Variants in YWHAQ observed in about 807,000 individuals in gnomAD.
The protein encoded by YWHAQ is tyrosine 3-monooxygenase/tryptophan 5-monooxygenase activation protein theta, also known as 14-3-3 protein theta.
A neutral mutation model predicts 28.3 loss-of-function variants in YWHAQ; 6 were observed. The observed-to-expected ratio is 0.21, with a 90% CI of 0.12 to 0.42. The LOEUF is 0.42. YWHAQ is among the 10% of genes least tolerant of loss of function. The probability of loss-of-function intolerance (pLI) is 1.00; values close to 1 mark genes in which losing one functional copy is unlikely to be tolerated. For synonymous variants in YWHAQ, 143 were observed against 119.1 expected (o/e 1.20, Z -1.31); for missense variants, 201 against 305.6 (o/e 0.66, Z 2.55).
At position 9,609,545 on chromosome 2, in the gene YWHAQ, T is replaced by C. The variant is rs146284346; in HGVS notation, c.295-18030A>G. 1.4e-4 allele frequency among the ~76,000 whole-genome samples: 21 copies of C among 152,008 alleles called. No homozygotes were observed. In the East Asian group the frequency reaches 3.3e-3, roughly 24 times the overall value. ...CCGAGACTTCCAGTAATGGGATAAA[T>C]ACCTTGAGATAGGAAAAGCACAATA... On this transcript the variant is annotated intron_variant, in intron 2 of 5. Transcript: ENST00000238081.
At chr2:9,608,292 T>C (rs1444137758) in intron 2 of YWHAQ, among the ~76,000 whole-genome samples, 1 of 152,106 alleles carries the variant, frequency 6.6e-6, no homozygotes, top group African/African-American at 2.4e-5. Flanking sequence ...ATCGAGGCGC[T>C]AGATAGGAGG....
At position 9,625,698 on chromosome 2, in the gene YWHAQ, G is replaced by T. The variant is rs75814026; in HGVS notation, c.294+4461C>A. 2.6e-3 allele frequency among the ~76,000 whole-genome samples: 398 copies of T among 152,288 alleles called. 2 individuals carry two copies. The highest frequency in any genetic ancestry group is 9.2e-3 in the African/African-American group (382 of 41,530). ...AACCTACCTTAGGGGAGCAAAGTGA[G>T]TATAAAGTGCTTAAAATAGTGTTTA... On this transcript the variant is annotated intron_variant, in intron 2 of 5. Coordinates refer to ENST00000238081, the MANE Select transcript of YWHAQ (RefSeq NM_006826.4).
At chr2:9,621,219 A>C (rs1255934962) in intron 2 of YWHAQ, among the ~76,000 whole-genome samples, 1 of 152,178 alleles carries the variant, frequency 6.6e-6, no homozygotes, top group African/African-American at 2.4e-5. Flanking sequence ...ACTGTCCCAG[A>C]GTATGGCCAA....
intron 2 of YWHAQ, among the ~76,000 whole-genome samples, chr2:9,607,161 G>C (rs1320322113): frequency 2.0e-5 from 3 of 151,232 alleles, no homozygotes; most frequent in Non-Finnish European, 4.4e-5. Context: ...GATTACAGGC[G>C]TGAGCCACAC....
chr2:9,628,405 C>T (rs906978332), intron 2 of YWHAQ, among the ~76,000 whole-genome samples: 1 of 152,156 alleles, frequency 6.6e-6, no homozygotes, highest in African/African-American at 2.4e-5. Flanking sequence ...AACTCTTCCC[C>T]GACTTACGCC....
At chr2:9,595,695 T>C (rs1426232860) in intron 2 of YWHAQ, among the ~76,000 whole-genome samples, 1 of 90,898 alleles carries the variant, frequency 1.1e-5, no homozygotes, top group Non-Finnish European at 2.0e-5. Flanking sequence ...CAAAATTCCA[T>C]CTCAAAAAAA....
chr2:9,615,592 G>C (rs74364558), intron 2 of YWHAQ, among the ~76,000 whole-genome samples: 1,862 of 152,226 alleles, frequency 0.012, 45 homozygotes, highest in African/African-American at 0.043. Context: ...GGTAATGATT[G>C]AGTGAAGAAG....
intron 2 of YWHAQ, among the ~76,000 whole-genome samples, 160 bp from the exon 3 acceptor site, chr2:9,591,675 G>A (rs1432117920): frequency 1.3e-5 from 2 of 152,210 alleles, no homozygotes; most frequent in Non-Finnish European, 2.9e-5. Flanking sequence ...TAGAGCAGGG[G>A]TTAGGTTGTT....
At chr2:9,600,240 A>C (rs1666661701) in intron 2 of YWHAQ, among the ~76,000 whole-genome samples, 2 of 152,228 alleles carry the variant, frequency 1.3e-5, no homozygotes, top group African/African-American at 4.8e-5. Flanking sequence ...CTTGAGAAGG[A>C]TCTACTTCTG....
chr2:9,621,894 G>A (rs1667148649), intron 2 of YWHAQ, among the ~76,000 whole-genome samples: 1 of 152,164 alleles, frequency 6.6e-6, no homozygotes, highest in Non-Finnish European at 1.5e-5. Flanking sequence ...CAAGGACATA[G>A]ATGAAGCTGG....
At chr2:9,616,443 C>CAAAAAAA in intron 2 of YWHAQ, among the ~76,000 whole-genome samples, 1 of 89,624 alleles carries the variant, frequency 1.1e-5, no homozygotes, top group African/African-American at 3.7e-5. Flanking sequence ...CATAAGCAAC[C>CAAAAAAA]AAAAAAAAAA....
At chr2:9,603,077 T>G (rs983659522) in intron 2 of YWHAQ, among the ~76,000 whole-genome samples, 16 of 151,108 alleles carry the variant, frequency 1.1e-4, no homozygotes, top group African/African-American at 3.6e-4. Context: ...AACAAAGTAA[T>G]TTTTAATAAA....
intron 2 of YWHAQ, among the ~76,000 whole-genome samples, chr2:9,618,253 A>T (rs1390917400): frequency 6.6e-6 from 1 of 152,232 alleles, no homozygotes; most frequent in East Asian, 1.9e-4. Context: ...TGGTATTTGA[A>T]TTATATTTAA....
chr2:9,602,907 G>A (rs1246261405), intron 2 of YWHAQ, among the ~76,000 whole-genome samples: 1 of 96,380 alleles, frequency 1.0e-5, no homozygotes, highest in Non-Finnish European at 2.0e-5. Flanking sequence ...ATATATAGTA[G>A]GGACACAGTC....
rs908772629 is a variant in YWHAQ, at chr2:9,630,008, A to G, written c.294+151T>C. On this transcript the variant is annotated intron_variant, in intron 2 of 5. Coordinates refer to ENST00000238081, the MANE Select transcript of YWHAQ (RefSeq NM_006826.4). The surrounding 1 kb of genome is among the most constrained non-coding windows in gnomAD (Gnocchi z 5.6). ...TTCTTGAGTCTCAACAACCGGAGGG[A>G]CACAGTAGGGAAGTCAGGGCTCACC... 4 of 981,538 alleles carry G rather than the reference A, an allele frequency of 4.1e-6. No individual in the cohort carries two copies. Among genetic ancestry groups the G allele is most frequent in the Non-Finnish European group, 5.9e-6 (4 of 680,702 alleles). The allele number at this position is 981,538 out of a possible 1,614,324, so 60.8% of individuals were successfully genotyped here.
Position 9,630,698 on chromosome 2 carries a change from G to C in YWHAQ, c.-82-164C>G. 1 of 242,704 alleles carries C rather than the reference G, an allele frequency of 4.1e-6. No individual in the cohort carries two copies. The highest frequency in any genetic ancestry group is 7.8e-6 in the Non-Finnish European group (1 of 127,960). The allele number at this position is 242,704 out of a possible 1,614,324, so 15.0% of individuals were successfully genotyped here. A position where few individuals can be genotyped will look rare whatever the true frequency, so the allele number is the denominator to read the frequency against. ...GGCACCCGGGGAGGCCGCGGCCCGC[G>C]GCTGGAGGAGGCGGGGGCGGCGCGG... On this transcript the variant is annotated intron_variant, in intron 1 of 5. Coordinates refer to ENST00000238081, the MANE Select transcript of YWHAQ (RefSeq NM_006826.4). This position sits in a 1 kb window ranked among gnomAD's most constrained non-coding sequence, Gnocchi z 5.6.
intron 2 of YWHAQ, among the ~76,000 whole-genome samples, chr2:9,592,565 A>G (rs534856614): frequency 1.3e-5 from 2 of 152,132 alleles, no homozygotes; most frequent in Admixed American, 6.5e-5. Context: ...CTCTACTAAA[A>G]ATACAAAAAA....
intron 2 of YWHAQ, chr2:9,615,402 T>TAAA (rs1667022962): frequency 2.0e-5 from 2 of 101,534 alleles, no homozygotes; most frequent in African/African-American, 7.6e-5. Context: ...CAGAAAATAA[T>TAAA]AAAAAGAAAA....
chr2:9,595,882 T>C (rs984007505), intron 2 of YWHAQ, among the ~76,000 whole-genome samples: 3 of 152,092 alleles, frequency 2.0e-5, no homozygotes, highest in African/African-American at 7.2e-5. Flanking sequence ...GCTGACAGTG[T>C]TACTTGACTG....
Sources: gnomAD v4.1 joint callset for allele counts (sites outside exome capture counted in the v4.1 genomes callset) on GRCh38, gnomAD v4.1.1 for gene constraint, Gnocchi (gnomAD v3.1) non-coding constraint, MANE v1.5 for transcripts, NCBI Gene and HGNC (gene_info 2026-07-23, HGNC 2026-07-21) for gene names.